The following CADM2 variants were observed in gnomAD, a reference collection of about 807,000 sequenced individuals.
CADM2 encodes immunoglobulin superfamily member 4D.
Under a neutral mutation model 49.8 loss-of-function variants are expected in CADM2, and 12 were observed. The observed-to-expected ratio is 0.24, with a 90% CI of 0.15 to 0.39. The LOEUF is 0.39. Among genes scored for constraint, CADM2 ranks in the 10% least tolerant of loss-of-function variants. The probability of loss-of-function intolerance (pLI) is 1.00; values close to 1 mark genes in which losing one functional copy is unlikely to be tolerated. For missense variants in CADM2, 378 were observed against 492.3 expected, an observed-to-expected ratio of 0.77 and a Z score of 2.20; for synonymous variants, 214 against 175.4, an observed-to-expected ratio of 1.22 and a Z score of -1.74.
intron 1 of CADM2, among the ~76,000 whole-genome samples, chr3:85,440,006 A>T (rs1227597436): frequency 6.6e-6 from 1 of 152,226 alleles, no homozygotes; most frequent in East Asian, 1.9e-4. Context: ...TTCCATTAGG[A>T]GAATTGCATA....
intron 1 of CADM2, among the ~76,000 whole-genome samples, chr3:85,260,371 T>G (rs1276454499): frequency 3.3e-5 from 5 of 152,172 alleles, no homozygotes; most frequent in Non-Finnish European, 7.3e-5. Flanking sequence ...TTTGGAAATA[T>G]CTGCAAAAGG....
intron 8 of CADM2, among the ~76,000 whole-genome samples, chr3:85,978,803 T>A (rs1191986820): frequency 6.6e-6 from 1 of 151,122 alleles, no homozygotes; most frequent in Non-Finnish European, 1.5e-5. Flanking sequence ...TGTCATTCTG[T>A]TTACTTCTTT....
chr3:85,670,602 A>G (rs1266162347), intron 1 of CADM2, among the ~76,000 whole-genome samples: 1 of 152,184 alleles, frequency 6.6e-6, no homozygotes, highest in Non-Finnish European at 1.5e-5. Context: ...ACTTGCAGGA[A>G]AAAAGCACCA....
At chr3:85,010,709 T>C (rs1273529961) in intron 1 of CADM2, among the ~76,000 whole-genome samples, 1 of 151,978 alleles carries the variant, frequency 6.6e-6, no homozygotes, top group Non-Finnish European at 1.5e-5. Flanking sequence ...TTATGTCATA[T>C]GCGCCTTAGG....
intron 1 of CADM2, among the ~76,000 whole-genome samples, chr3:85,375,256 A>G (rs772490577): frequency 6.6e-6 from 1 of 152,218 alleles, no homozygotes; most frequent in Non-Finnish European, 1.5e-5. Flanking sequence ...CCACTATATG[A>G]TAATAGAGTT....
rs1241135851 is a variant in CADM2, at chr3:85,383,503, C to CATAT, written c.62-343010_62-343007dup. Among the ~76,000 whole-genome samples, 1,091 of 109,104 alleles carry CATAT rather than the reference C, an allele frequency of 1.0e-2. 28 individuals carry two copies. Among genetic ancestry groups the CATAT allele is most frequent in the South Asian group, 0.021 (71 of 3,410 alleles). The allele number at this position is 109,104 out of a possible 152,430, so 71.6% of individuals were successfully genotyped here. On this transcript the variant is annotated intron_variant, in intron 1 of 9. Coordinates refer to ENST00000383699, the MANE Select transcript of CADM2 (RefSeq NM_001167675.2). ...TAATATAATACTTTATACATAAAACCATATATATATATGTATATATATATA... is the reference window on the plus strand; with the variant it reads ...TAATATAATACTTTATACATAAAACCATATATATATATATATGTATATATATATA...
intron 1 of CADM2, among the ~76,000 whole-genome samples, chr3:85,672,547 A>C (rs889239083): frequency 6.6e-5 from 10 of 152,106 alleles, no homozygotes; most frequent in Non-Finnish European, 1.5e-4. Flanking sequence ...TATTTATTTA[A>C]ATATTTATAT....
At chr3:85,429,907 C>T (rs928179451) in intron 1 of CADM2, among the ~76,000 whole-genome samples, 1 of 151,928 alleles carries the variant, frequency 6.6e-6, no homozygotes, top group Non-Finnish European at 1.5e-5. Context: ...TTTCACAAAC[C>T]CTAAAATACT....
intron 7 of CADM2, among the ~76,000 whole-genome samples, chr3:85,955,717 G>A (rs1486673237): frequency 1.3e-5 from 2 of 151,344 alleles, no homozygotes; most frequent in African/African-American, 4.8e-5. Flanking sequence ...GAGACTTGTG[G>A]CAATACCTTT....
intron 1 of CADM2, among the ~76,000 whole-genome samples, chr3:85,465,881 A>G (rs12485813): frequency 0.081 from 12,277 of 152,182 alleles, 949 homozygotes; most frequent in African/African-American, 0.19. Flanking sequence ...TTATCTGAAG[A>G]CCATTACCGA....
intron 2 of CADM2, among the ~76,000 whole-genome samples, chr3:85,769,784 G>C (rs922886397): frequency 6.6e-6 from 1 of 150,650 alleles, no homozygotes; most frequent in Non-Finnish European, 1.5e-5. Flanking sequence ...TTGGTTTTGC[G>C]TGATTTTGAC....
intron 1 of CADM2, among the ~76,000 whole-genome samples, chr3:85,576,742 C>G (rs958319373): frequency 6.6e-6 from 1 of 152,234 alleles, no homozygotes; most frequent in Non-Finnish European, 1.5e-5. Context: ...TTATACATTT[C>G]TCCCCTAACC....
chr3:85,568,453 T>TTTCTCTTTCTCTCTC (rs2062354997), intron 1 of CADM2, among the ~76,000 whole-genome samples: 7 of 27,572 alleles, frequency 2.5e-4, no homozygotes, highest in African/African-American at 6.4e-4. Flanking sequence ...CTTTCTTTCT[T>TTTCTCTTTCTCTCTC]TCTTTCTTTC....
intron 1 of CADM2, among the ~76,000 whole-genome samples, chr3:85,196,821 A>G (rs1454425437): frequency 1.3e-5 from 2 of 152,128 alleles, no homozygotes; most frequent in African/African-American, 4.8e-5. Flanking sequence ...AGGAGAATCA[A>G]ATGACTCCAT....
intron 1 of CADM2, among the ~76,000 whole-genome samples, chr3:85,296,857 C>T (rs940091466): frequency 3.3e-5 from 5 of 152,152 alleles, no homozygotes; most frequent in Non-Finnish European, 7.4e-5. Flanking sequence ...AATACCTTGT[C>T]CTTCAAGACC....
At chr3:85,074,154 C>T (rs1389677247) in intron 1 of CADM2, among the ~76,000 whole-genome samples, 1 of 152,066 alleles carries the variant, frequency 6.6e-6, no homozygotes, top group Non-Finnish European at 1.5e-5. Context: ...TACTCCTTCC[C>T]ACTTCTCTCC....
intron 5 of CADM2, among the ~76,000 whole-genome samples, chr3:85,907,513 T>G (rs978519754): frequency 1.3e-5 from 2 of 152,136 alleles, no homozygotes; most frequent in Non-Finnish European, 2.9e-5. Context: ...GTTCCCAGTG[T>G]GGTCTATTGA....
At chr3:85,185,251 A>G (rs1209158795) in intron 1 of CADM2, among the ~76,000 whole-genome samples, 1 of 151,980 alleles carries the variant, frequency 6.6e-6, no homozygotes, top group Non-Finnish European at 1.5e-5. Context: ...GGAATCATCT[A>G]TATATTGATC....
chr3:85,783,027 G>A (rs1271003776), intron 2 of CADM2, among the ~76,000 whole-genome samples: 2 of 152,022 alleles, frequency 1.3e-5, no homozygotes, highest in Non-Finnish European at 2.9e-5. Context: ...ATCAAAACAG[G>A]GCCCAATATT....
Sources: allele counts gnomAD v4.1 joint callset (sites outside exome capture counted in the v4.1 genomes callset), GRCh38; gene constraint gnomAD v4.1.1; transcripts MANE v1.5; gene names NCBI Gene and HGNC (gene_info 2026-07-23, HGNC 2026-07-21).